Variants in FBLN1 observed in about 807,000 individuals in gnomAD.
FBLN1 encodes the protein fibulin-1.
FBLN1 carries 34 observed loss-of-function variants against 89.7 expected under a neutral mutation model. The ratio of observed to expected loss-of-function variants is 0.38; its 90% CI spans 0.29 to 0.50. The LOEUF (loss-of-function observed/expected upper bound fraction) is 0.50, where lower values mean the gene tolerates loss of function less well. Ranked by LOEUF, FBLN1 falls within the 20% of genes least tolerant of loss-of-function variation. FBLN1 has a pLI of 0.92. For synonymous variants in FBLN1, 393 were observed against 391.3 expected, an observed-to-expected ratio of 1.00 and a Z score of -0.05; for missense variants, 777 against 988.1, an observed-to-expected ratio of 0.79 and a Z score of 2.86.
intron 1 of FBLN1, among the ~76,000 whole-genome samples, chr22:45,510,091 C>G (rs2088078750): frequency 5.9e-5 from 9 of 152,102 alleles, no homozygotes. Context: ...GGAGCTTTGC[C>G]AACTTAAAAT....
Position 45,561,531 on chromosome 22 carries a change from G to C in FBLN1, c.1697+10916G>C, listed in dbSNP as rs1385165302. Among the ~76,000 whole-genome samples, 1 of 152,134 alleles carries C rather than the reference G, an allele frequency of 6.6e-6. No homozygotes were observed. Among genetic ancestry groups the C allele is most frequent in the South Asian group, 2.1e-4 (1 of 4,824 alleles). On this transcript the variant is annotated intron_variant, in intron 14 of 16. Transcript: ENST00000327858. This position sits in a 1 kb window ranked among gnomAD's most constrained non-coding sequence, Gnocchi z 4.7. ...TAACTCTCTAAACAGTTCATGCCAA[G>C]GACTATCAGTGTTCTCCATACTATT...
In FBLN1 at chr22:45,580,651, C is replaced by T. The variant is rs1314719724; in HGVS notation, c.1972+3543C>T. Among the ~76,000 whole-genome samples the T allele has an allele frequency of 6.6e-6, 1 of 152,244 alleles. No individual in the cohort carries two copies. Among genetic ancestry groups the T allele is most frequent in the East Asian group, 1.9e-4 (1 of 5,188 alleles). On this transcript the variant is annotated intron_variant, in intron 16 of 16. Transcript: ENST00000327858. The surrounding 1 kb of genome is among the most constrained non-coding windows in gnomAD (Gnocchi z 8.6). ...GGCCTGGAGCCCGGTCTTCCCCAGACACCACACCCGCCCAGAGCCGGAGCC... is the reference window on the plus strand; with the variant it reads ...GGCCTGGAGCCCGGTCTTCCCCAGATACCACACCCGCCCAGAGCCGGAGCC...
chr22:45,516,099 A>G (rs543901830), intron 1 of FBLN1, among the ~76,000 whole-genome samples: 97 of 152,174 alleles, frequency 6.4e-4, no homozygotes, highest in African/African-American at 2.2e-3. Context: ...GGGGCACCCG[A>G]GCTATGCAGG....
At chr22:45,508,695 G>T (rs1399320890) in intron 1 of FBLN1, among the ~76,000 whole-genome samples, 1 of 152,194 alleles carries the variant, frequency 6.6e-6, no homozygotes, top group Non-Finnish European at 1.5e-5. Context: ...CCTCTGCAGA[G>T]GCTGCATGGC....
intron 14 of FBLN1, among the ~76,000 whole-genome samples, chr22:45,568,412 C>T (rs1203031856): frequency 6.6e-6 from 1 of 151,964 alleles, no homozygotes; most frequent in African/African-American, 2.4e-5. Context: ...TAGGGGAGTG[C>T]TCTTTCTGTA....
rs1177388256 is a variant in FBLN1 at position 45,545,536 on chromosome 22, T to C, written c.1322-1549T>C. On this transcript the variant is annotated intron_variant, in intron 11 of 16. Transcript: ENST00000327858. The surrounding 1 kb of genome is among the most constrained non-coding windows in gnomAD (Gnocchi z 5.9). ...TCATATCCACATTAGTGGACAATAT[T>C]GTGGATATAGAACCAGAGCCTGGCC... 6.6e-6 allele frequency among the ~76,000 whole-genome samples: 1 copy of C among 152,140 alleles called. No individual in the cohort carries two copies. Among genetic ancestry groups the C allele is most frequent in the African/African-American group, 2.4e-5 (1 of 41,418 alleles).
At chr22:45,503,111 C>T in intron 1 of FBLN1, 47 bp downstream of exon 1, 2 of 1,210,588 alleles carry the variant, frequency 1.7e-6, no homozygotes, top group Non-Finnish European at 2.1e-6. Flanking sequence ...TCCCGACCCC[C>T]TCGGCCTCGC....
chr22:45,543,749 A>G (rs972143931), intron 11 of FBLN1, among the ~76,000 whole-genome samples: 2 of 152,214 alleles, frequency 1.3e-5, no homozygotes, highest in Admixed American at 6.5e-5. Context: ...GTCGGGGTTC[A>G]TAGGCTGCGG....
intron 16 of FBLN1, among the ~76,000 whole-genome samples, chr22:45,598,781 A>G (rs563368551): frequency 6.6e-6 from 1 of 152,356 alleles, no homozygotes; most frequent in African/African-American, 2.4e-5. Context: ...CTCTGGTGGG[A>G]AGGCCGCTCT....
chr22:45,504,794 T>C (rs1273833532), intron 1 of FBLN1, among the ~76,000 whole-genome samples: 3 of 152,210 alleles, frequency 2.0e-5, no homozygotes, highest in African/African-American at 4.8e-5. Context: ...AAGTTTGTAA[T>C]TGGAAGGGTT....
At chr22:45,567,644 T>C (rs2088910865) in intron 14 of FBLN1, among the ~76,000 whole-genome samples, 2 of 152,138 alleles carry the variant, frequency 1.3e-5, no homozygotes, top group East Asian at 1.9e-4. Flanking sequence ...ACGTGTAGCG[T>C]AGAGACTGGA....
chr22:45,525,425 G>A (rs1254954052), intron 2 of FBLN1, 118 bp from the exon 3 acceptor site: 3 of 899,414 alleles, frequency 3.3e-6, no homozygotes, highest in Non-Finnish European at 5.3e-6. Context: ...TTCTCTCTCT[G>A]TGTCTGTGGG....
rs538359918 is a variant in FBLN1 at position 45,575,385 on chromosome 22, G to A, written c.1840+732G>A. ...GAAGGGTCTGGAGGTATGGGGGGGC[G>A]GTGTGGGCGTTTGAGAAACTGAGCC... On this transcript the variant is annotated intron_variant, in intron 15 of 16. Transcript: ENST00000327858. This position sits in a 1 kb window ranked among gnomAD's most constrained non-coding sequence, Gnocchi z 6.3. 1.5e-4 allele frequency among the ~76,000 whole-genome samples: 23 copies of A among 152,170 alleles called. No individual in the cohort carries two copies. The South Asian group carries it at 3.5e-3, about 23-fold the overall frequency.
Position 45,549,051 on chromosome 22 carries a change from G to C in FBLN1, c.1573+307G>C, listed in dbSNP as rs1418530847. On this transcript the variant is annotated intron_variant, in intron 13 of 16. Coordinates refer to ENST00000327858, the MANE Select transcript of FBLN1 (RefSeq NM_006486.3). The surrounding 1 kb of genome is among the most constrained non-coding windows in gnomAD (Gnocchi z 5.7). The stretch of plus-strand genomic sequence containing the variant: ...CAGCAGCCCCGTAAAGGCTGGAACA[G>C]AGGCCTTTAGGAAGATGCCCGCCAG... Among the ~76,000 whole-genome samples, 1 of 152,194 alleles carries C rather than the reference G, an allele frequency of 6.6e-6. No individual in the cohort carries two copies. Among genetic ancestry groups the C allele is most frequent in the African/African-American group, 2.4e-5 (1 of 41,466 alleles).
At chr22:45,548,183 G>A (rs951956014) in intron 12 of FBLN1, among the ~76,000 whole-genome samples, 1 of 152,120 alleles carries the variant, frequency 6.6e-6, no homozygotes, top group South Asian at 2.1e-4. Context: ...TTGAGTAGCT[G>A]GGCCCACAGG....
rs2089063503 is a variant in FBLN1 at position 45,583,945 on chromosome 22, TG to T, written c.1972+6842del. 6.6e-6 allele frequency among the ~76,000 whole-genome samples: 1 copy of T among 151,998 alleles called. No homozygotes were observed. On this transcript the variant is annotated intron_variant, in intron 16 of 16. Coordinates refer to ENST00000327858, the MANE Select transcript of FBLN1 (RefSeq NM_006486.3). The surrounding 1 kb of genome is among the most constrained non-coding windows in gnomAD (Gnocchi z 4.5). ...TTCCCTGAGGTCATGCGGTGGCGGA[TG>T]GGGGTCACTTCTGCATAGGCCTGCA...
At chr22:45,589,354 G>T (rs2089116267) in intron 16 of FBLN1, among the ~76,000 whole-genome samples, 1 of 152,006 alleles carries the variant, frequency 6.6e-6, no homozygotes, top group South Asian at 2.1e-4. Flanking sequence ...TTTGAGGCTT[G>T]ACCCGGTCCT....
In FBLN1 at chr22:45,527,966, C is replaced by T; in HGVS notation, c.441C>T (p.Ser147=). 1 of 1,614,212 alleles carries T rather than the reference C, an allele frequency of 6.2e-7. No individual in the cohort carries two copies. The highest frequency in any genetic ancestry group is 2.2e-5 in the East Asian group (1 of 44,872). Residue 147 remains serine, a synonymous_variant, in exon 4 of 17, where the codon AGC becomes AGT. Coordinates refer to ENST00000327858, the MANE Select transcript of FBLN1 (RefSeq NM_006486.3). ...TCTTCCAGGCATGCTGTGTCAAGAG[C>T]CAGGAGACCGGAGATTTGGATGTCG... The part of the protein sequence containing the change: ...GQVFQACCVK[S]QETGDLDVGG...
In FBLN1 at chr22:45,575,434, A is replaced by G. The variant is rs1045286839; in HGVS notation, c.1840+781A>G. Among the ~76,000 whole-genome samples the G allele has an allele frequency of 6.6e-6, 1 of 152,080 alleles. No individual in the cohort carries two copies. Among genetic ancestry groups the G allele is most frequent in the Non-Finnish European group, 1.5e-5 (1 of 68,006 alleles). ...CCAAGGTTTTCTGCTGGAGCGCTAG[A>G]GGCTTGGCAAGAGGTGGGCTGGAAG... On this transcript the variant is annotated intron_variant, in intron 15 of 16. Coordinates refer to ENST00000327858, the MANE Select transcript of FBLN1 (RefSeq NM_006486.3). The surrounding 1 kb of genome is among the most constrained non-coding windows in gnomAD (Gnocchi z 6.3).
Sources: gnomAD v4.1 joint callset for allele counts (sites outside exome capture counted in the v4.1 genomes callset) on GRCh38, gnomAD v4.1.1 for gene constraint, Gnocchi (gnomAD v3.1) non-coding constraint, MANE v1.5 for transcripts, NCBI Gene and HGNC (gene_info 2026-07-23, HGNC 2026-07-21) for gene names.